Variants in PADI4 observed in about 807,000 individuals in gnomAD.
The protein encoded by PADI4 is peptidyl arginine deiminase 4.
PADI4 carries 62 observed loss-of-function variants against 75.0 expected under a neutral mutation model. That is an observed-to-expected ratio of 0.83 (90% CI 0.67 to 1.02). The LOEUF (loss-of-function observed/expected upper bound fraction) is 1.02, where lower values mean the gene tolerates loss of function less well. Ranked by LOEUF, PADI4 falls within the 50% of genes least tolerant of loss-of-function variation. PADI4 has a pLI of 0.00. For synonymous variants in PADI4, 361 were observed against 348.1 expected, an observed-to-expected ratio of 1.04 and a Z score of -0.41; for missense variants, 845 against 850.5, an observed-to-expected ratio of 0.99 and a Z score of 0.08.
At chr1:17,308,428 G>T (rs983675445) in intron 1 of PADI4, 114 bp downstream of exon 1, 4 of 775,440 alleles carry the variant, frequency 5.2e-6, no homozygotes, top group African/African-American at 5.1e-5. Flanking sequence ...AGCCTCTGCA[G>T]CCACTGCCAG....
chr1:17,325,892 C>T (rs1001479981), intron 1 of PADI4, among the ~76,000 whole-genome samples: 10 of 151,978 alleles, frequency 6.6e-5, no homozygotes, highest in African/African-American at 2.4e-4. Flanking sequence ...TTAGTAGAGA[C>T]AGGGTTTTGC....
rs2074805178 is a variant in PADI4, at chr1:17,358,869, G to A, written c.1590G>A (p.Leu530=). The A allele has an allele frequency of 6.2e-7, 1 of 1,607,552 alleles. No homozygotes were observed. Among genetic ancestry groups the A allele is most frequent in the East Asian group, 2.2e-5 (1 of 44,682 alleles). ...AACAGCAGAAAATAAAGAACATTCTGTCAAACAAGACATTGAGAGAACATA... is the reference window on the plus strand; with the variant it reads ...AACAGCAGAAAATAAAGAACATTCTATCAAACAAGACATTGAGAGAACATA... The part of the protein sequence containing the change: ...KKKQQKIKNI[L]SNKTLREHNS... Residue 530 remains leucine, a synonymous_variant, in exon 14 of 16, where the codon CTG becomes CTA. Transcript: ENST00000375448.
intron 1 of PADI4, among the ~76,000 whole-genome samples, chr1:17,315,947 T>C (rs557140030): frequency 9.9e-5 from 15 of 151,926 alleles, no homozygotes; most frequent in Non-Finnish European, 1.9e-4. Flanking sequence ...GCCTCCCTGA[T>C]GACCCACAGC....
At chr1:17,319,749 G>A (rs78275356) in intron 1 of PADI4, among the ~76,000 whole-genome samples, 1,743 of 152,264 alleles carry the variant, frequency 0.011, 40 homozygotes, top group African/African-American at 0.04. Flanking sequence ...CACAGAGCAC[G>A]GAAGCGAGGC....
At chr1:17,333,618 C>T (rs970601330) in intron 2 of PADI4, among the ~76,000 whole-genome samples, 1 of 151,744 alleles carries the variant, frequency 6.6e-6, no homozygotes, top group African/African-American at 2.4e-5. Context: ...CTCTCTCTAG[C>T]GCCTCTTCTG....
At chr1:17,350,203 G>C (rs560689872) in intron 10 of PADI4, among the ~76,000 whole-genome samples, 1 of 128,722 alleles carries the variant, frequency 7.8e-6, no homozygotes, top group East Asian at 3.4e-4. Context: ...GCTGTCCATC[G>C]GGCAGCTGGC....
At chr1:17,354,808 GA>G in intron 11 of PADI4, 121 bp downstream of exon 11, 1 of 958,394 alleles carries the variant, frequency 1.0e-6, no homozygotes, top group Non-Finnish European at 1.5e-6. Flanking sequence ...AGACTTGAGG[GA>G]GTGTGAGAGG....
chr1:17,314,244 TC>T (rs1349683215), intron 1 of PADI4, among the ~76,000 whole-genome samples: 1 of 152,116 alleles, frequency 6.6e-6, no homozygotes, highest in Non-Finnish European at 1.5e-5. Flanking sequence ...GGCGTGTCCC[TC>T]TCCTGTCCCC....
chr1:17,308,266 C>T lies in PADI4; in HGVS notation c.44C>T (p.Thr15Ile). 1 of 1,614,138 alleles carries T rather than the reference C, an allele frequency of 6.2e-7. No individual in the cohort carries two copies. The highest frequency in any genetic ancestry group is 2.2e-5 in the East Asian group (1 of 44,870). Reference protein sequence around the residue: ...TLIRVTPEQPTHAVCVLGTLT... With the variant: ...TLIRVTPEQPIHAVCVLGTLT... The stretch of plus-strand genomic sequence containing the variant: ...ATCCGTGTGACCCCAGAGCAGCCCA[C>T]CCATGCCGTGTGTGTGCTGGGCACC... The change falls in exon 1 of 16, where the codon ACC becomes ATC. Residue 15 changes from threonine to isoleucine, a missense_variant. Thr to Ile is a moderately conservative substitution (Grantham distance 89, BLOSUM62 -1). Coordinates refer to ENST00000375448, the MANE Select transcript of PADI4 (RefSeq NM_012387.3).
intron 1 of PADI4, among the ~76,000 whole-genome samples, chr1:17,327,406 T>G (rs193056629): frequency 7.2e-5 from 11 of 152,354 alleles, no homozygotes; most frequent in Admixed American, 7.2e-4. Context: ...TTATCCTTTT[T>G]AAAAATTTTT....
At position 17,351,984 on chromosome 1, in the gene PADI4, G is replaced by A. The variant is rs543438460; in HGVS notation, c.1156-2549G>A. The stretch of plus-strand genomic sequence containing the variant: ...AGAGGCGGCCAGGGAGGTGATGGGA[G>A]GAGAGGCAGTCAGGGAGGTGATGGG... On this transcript the variant is annotated intron_variant, in intron 10 of 15. Transcript: ENST00000375448. Among the ~76,000 whole-genome samples, 75 of 67,900 alleles carry A rather than the reference G, an allele frequency of 1.1e-3. 1 individual carries two copies. The highest frequency in any genetic ancestry group is 1.6e-3 in the Non-Finnish European group (57 of 35,886). 44.5% of individuals were successfully genotyped at this position (67,900 alleles called of 152,430 possible).
Position 17,357,208 on chromosome 1 carries a change from C to T in PADI4, c.1558+749C>T, listed in dbSNP as rs2074775620. Among the ~76,000 whole-genome samples the T allele has an allele frequency of 2.0e-5, 3 of 152,178 alleles. No homozygotes were observed. The South Asian group carries it at 6.2e-4, about 31-fold the overall frequency. ...TTTGAAACGAAGTTTTCCTCTATTG[C>T]CCAGGCTGGAGTGCAATGGCGCGAT... On this transcript the variant is annotated intron_variant, in intron 13 of 15. Coordinates refer to ENST00000375448, the MANE Select transcript of PADI4 (RefSeq NM_012387.3).
chr1:17,336,072 G>A lies in PADI4; in HGVS notation c.341-87G>A. 2.0e-5 allele frequency: 17 copies of A among 860,906 alleles called. No homozygotes were observed. In the South Asian group the frequency reaches 2.3e-4, roughly 12 times the overall value. The allele number at this position is 860,906 out of a possible 1,614,324, so 53.3% of individuals were successfully genotyped here. ...CACTATGGGTGCACACAGTCCCCTGGGGAAACGACCTGCCCATTCAGGGCC... is the reference window on the plus strand; with the variant it reads ...CACTATGGGTGCACACAGTCCCCTGAGGAAACGACCTGCCCATTCAGGGCC... On this transcript the variant is annotated intron_variant, in intron 3 of 15. Transcript: ENST00000375448.
chr1:17,359,186 C>T (rs1162194867), intron 14 of PADI4, 94 bp from the exon 15 acceptor site: 3 of 931,022 alleles, frequency 3.2e-6, no homozygotes, highest in Non-Finnish European at 1.7e-6. Flanking sequence ...CCAGGTCCTA[C>T]CCTCCGGCAG....
intron 6 of PADI4, among the ~76,000 whole-genome samples, chr1:17,341,395 G>C (rs72916892): frequency 5.3e-5 from 8 of 152,064 alleles, no homozygotes; most frequent in Non-Finnish European, 1.0e-4. Flanking sequence ...CACCACACCC[G>C]GCCTGTTTCA....
Position 17,339,775 on chromosome 1 carries a change from G to T in PADI4, c.614G>T (p.Arg205Met), listed in dbSNP as rs755549953. ...TNHTLVLHVA[R>M]SEMDKVRVFQ... ...CATACACTGGTGCTCCACGTGGCCA[G>T]GTCTGAGATGGACAAAGTGAGGGTG... Residue 205 changes from arginine (R) to methionine (M), a missense_variant, in exon 6 of 16, where the codon AGG becomes ATG. By Grantham distance (91) the Arg-to-Met change is moderately conservative (BLOSUM62 -1). Coordinates refer to ENST00000375448, the MANE Select transcript of PADI4 (RefSeq NM_012387.3). 6.2e-7 allele frequency: 1 copy of T among 1,613,026 alleles called. No homozygotes were observed. The highest frequency in any genetic ancestry group is 1.1e-5 in the South Asian group (1 of 90,908).
Position 17,338,097 on chromosome 1 carries a change from A to G in PADI4, c.468A>G (p.Arg156=), listed in dbSNP as rs1298913985. 6.2e-7 allele frequency: 1 copy of G among 1,613,560 alleles called. No individual in the cohort carries two copies. Among genetic ancestry groups the G allele is most frequent in the Non-Finnish European group, 8.5e-7 (1 of 1,179,724 alleles). Residue 156 remains arginine, a synonymous_variant, in exon 5 of 16, where the codon AGA becomes AGG. Coordinates refer to ENST00000375448, the MANE Select transcript of PADI4 (RefSeq NM_012387.3). ...CCATCCTGCTGGTGAACTGTGACAG[A>G]GACAATCTCGAATCTTCTGCCATGG... is the stretch of plus-strand genomic sequence containing the variant. The part of the protein sequence containing the change: ...QGAILLVNCD[R]DNLESSAMDC...
chr1:17,334,129 AG>A (rs2074266799), intron 3 of PADI4, 120 bp downstream of exon 3: 1 of 685,994 alleles, frequency 1.5e-6, no homozygotes, highest in African/African-American at 1.8e-5. Context: ...GTAGAGAAAA[AG>A]CATGGTTTCT....
intron 1 of PADI4, among the ~76,000 whole-genome samples, chr1:17,327,956 AT>A (rs36072593): frequency 4.6e-5 from 7 of 150,860 alleles, no homozygotes; most frequent in African/African-American, 7.3e-5. Flanking sequence ...TTATTATTGC[AT>A]TTTTTCCATG....
Sources: gnomAD v4.1 joint callset for allele counts (sites outside exome capture counted in the v4.1 genomes callset) on GRCh38, gnomAD v4.1.1 for gene constraint, MANE v1.5 for transcripts, NCBI Gene and HGNC (gene_info 2026-07-23, HGNC 2026-07-21) for gene names.